TOP6BL: variants seen among roughly 807,000 people sequenced by gnomAD.
TOP6BL encodes type 2 DNA topoisomerase 6 subunit B-like.
At chr11:66,762,557 G>A in the TOP6BL span, 4 of 182,924 alleles carry the variant, frequency 2.2e-5, no homozygotes, top group African/African-American at 7.2e-5. Flanking sequence ...GCAACCTTCC[G>A]CCTCCTGGGT....
chr11:66,759,447 G>A, the TOP6BL span, among the ~76,000 whole-genome samples: 1 of 152,108 alleles, frequency 6.6e-6, no homozygotes, highest in African/African-American at 2.4e-5. Context: ...GTAGGTATTT[G>A]TTTCTATCTA....
At chr11:66,799,800 C>T in the TOP6BL span, among the ~76,000 whole-genome samples, 1 of 151,780 alleles carries the variant, frequency 6.6e-6, no homozygotes, top group Non-Finnish European at 1.5e-5. Context: ...GCTGACTAGG[C>T]TGGGTATGAT....
At chr11:66,825,022 A>G in the TOP6BL span, among the ~76,000 whole-genome samples, 6 of 151,794 alleles carry the variant, frequency 4.0e-5, no homozygotes, top group African/African-American at 1.5e-4. Flanking sequence ...GAATCGCCAC[A>G]CTGACTTAAT....
At chr11:66,808,712 A>T in the TOP6BL span, among the ~76,000 whole-genome samples, 636 of 152,340 alleles carry the variant, frequency 4.2e-3, 2 homozygotes, top group Non-Finnish European at 5.4e-3. Context: ...TTAACAGCAG[A>T]TTAAGTACAA....
chr11:66,770,849 C>T, the TOP6BL span, among the ~76,000 whole-genome samples: 1 of 152,174 alleles, frequency 6.6e-6, no homozygotes, highest in Non-Finnish European at 1.5e-5. Context: ...TAATCCCCTG[C>T]TGCCTTGACT....
At chr11:66,829,490 G>A in the TOP6BL span, among the ~76,000 whole-genome samples, 1 of 151,936 alleles carries the variant, frequency 6.6e-6, no homozygotes, top group African/African-American at 2.4e-5. Context: ...CAGGAGAATT[G>A]CTTGAACCCA....
the TOP6BL span, among the ~76,000 whole-genome samples, chr11:66,793,480 C>G: frequency 1.3e-4 from 15 of 115,442 alleles, no homozygotes; most frequent in African/African-American, 4.3e-4. Context: ...GAGTCTTTCT[C>G]TGTCACCTAG....
the TOP6BL span, among the ~76,000 whole-genome samples, chr11:66,819,550 C>T: frequency 1.3e-5 from 2 of 152,238 alleles, no homozygotes; most frequent in East Asian, 1.9e-4. Flanking sequence ...GCAGGAGGAC[C>T]GCTTGAGCCC....
chr11:66,756,118 C>T, the TOP6BL span, among the ~76,000 whole-genome samples: 2 of 152,118 alleles, frequency 1.3e-5, no homozygotes, highest in African/African-American at 4.8e-5. Context: ...TTATTGAAGG[C>T]TTTAACAAAT....
At chr11:66,797,030 T>TA in the TOP6BL span, among the ~76,000 whole-genome samples, 2 of 151,020 alleles carry the variant, frequency 1.3e-5, no homozygotes, top group Non-Finnish European at 3.0e-5. Context: ...GACAGAGTCT[T>TA]ACTCTGTTGC....
the TOP6BL span, among the ~76,000 whole-genome samples, chr11:66,746,238 GTAA>G: frequency 6.6e-6 from 1 of 152,156 alleles, no homozygotes; most frequent in African/African-American, 2.4e-5. Context: ...TAAAAAGGGG[GTAA>G]TAATTTTCCT....
the TOP6BL span, among the ~76,000 whole-genome samples, chr11:66,797,252 AG>A: frequency 3.3e-5 from 5 of 151,658 alleles, no homozygotes; most frequent in Non-Finnish European, 5.9e-5. Flanking sequence ...CACACACCTC[AG>A]CCTCCCAAAG....
the TOP6BL span, chr11:66,843,384 C>T: frequency 1.4e-6 from 2 of 1,429,762 alleles, no homozygotes; most frequent in Non-Finnish European, 1.8e-6. Flanking sequence ...GGCGTGGAGC[C>T]GCGCCGCGGC....
At chr11:66,751,498 A>G in the TOP6BL span, among the ~76,000 whole-genome samples, 15 of 135,878 alleles carry the variant, frequency 1.1e-4, no homozygotes, top group Non-Finnish European at 2.2e-4. Context: ...TGGCTGACTA[A>G]TTTTTTTTTT....
At chr11:66,809,305 C>G in the TOP6BL span, among the ~76,000 whole-genome samples, 39 of 152,250 alleles carry the variant, frequency 2.6e-4, no homozygotes, top group East Asian at 7.5e-3. Flanking sequence ...GTTGACTTCC[C>G]CATACCAACA....
the TOP6BL span, chr11:66,842,914 G>T: frequency 6.4e-7 from 1 of 1,564,780 alleles, no homozygotes; most frequent in Non-Finnish European, 8.6e-7. Flanking sequence ...GGAGATGCGA[G>T]CTCTGCGCTC....
the TOP6BL span, chr11:66,816,349 C>G: frequency 3.1e-6 from 3 of 958,558 alleles, no homozygotes; most frequent in Non-Finnish European, 4.4e-6. Context: ...TGAACATATC[C>G]TATAGAAAAG....
the TOP6BL span, among the ~76,000 whole-genome samples, chr11:66,812,418 C>T: frequency 0.012 from 1,883 of 152,138 alleles, 38 homozygotes; most frequent in African/African-American, 0.043. Context: ...CCTCATGATC[C>T]GCCCACCTCA....
At chr11:66,822,867 A>G in the TOP6BL span, among the ~76,000 whole-genome samples, 1 of 151,850 alleles carries the variant, frequency 6.6e-6, no homozygotes, top group South Asian at 2.1e-4. Flanking sequence ...ACCCAGGTGG[A>G]GTGGTGCACA....
Sources: gnomAD v4.1 joint callset for allele counts (sites outside exome capture counted in the v4.1 genomes callset) on GRCh38, gnomAD v4.1.1 for gene constraint, MANE v1.5 for transcripts, NCBI Gene and HGNC (gene_info 2026-07-23, HGNC 2026-07-21) for gene names.